PPP1R9B: variants seen among roughly 807,000 people sequenced by gnomAD.
PPP1R9B encodes neurabin-2.
Under a neutral mutation model 75.8 loss-of-function variants are expected in PPP1R9B, and 17 were observed. That is an observed-to-expected ratio of 0.22 (90% CI 0.15 to 0.34). The LOEUF (loss-of-function observed/expected upper bound fraction) is 0.34, where lower values mean the gene tolerates loss of function less well. Among genes scored for constraint, PPP1R9B ranks in the 10% least tolerant of loss-of-function variants. The pLI is 1.00. For missense variants in PPP1R9B, 875 were observed against 1,196.0 expected (o/e 0.73, Z 3.96); for synonymous variants, 509 against 535.4 (o/e 0.95, Z 0.68).
chr17:50,150,085 C>A lies in PPP1R9B; in HGVS notation c.429G>T (p.Arg143=), dbSNP rs1387836675. Reference sequence around the variant, plus strand: ...CGAACAGCTTCCGCGTCTCCTGCAGCCGGGACGGCGGGTGCGGCGGCGGCG... The same window carrying A: ...CGAACAGCTTCCGCGTCTCCTGCAGACGGGACGGCGGGTGCGGCGGCGGCG... The part of the protein sequence containing the change: ...QPAPPPHPPS[R]LQETRKLFER... Residue 143 remains arginine (R), a synonymous_variant, in exon 1 of 10, where the codon CGG becomes CGT. Transcript: ENST00000612501. The surrounding 1 kb of genome is among the most constrained non-coding windows in gnomAD (Gnocchi z 8.7). The A allele has an allele frequency of 5.0e-6, 7 of 1,413,938 alleles. No individual in the cohort carries two copies. Among genetic ancestry groups the A allele is most frequent in the Non-Finnish European group, 6.4e-6 (7 of 1,089,988 alleles). 87.6% of individuals were successfully genotyped at this position (1,413,938 alleles called of 1,614,324 possible). A position where few individuals can be genotyped will look rare whatever the true frequency, so the allele number is the denominator to read the frequency against.
intron 9 of PPP1R9B, 39 bp from the exon 10 acceptor site, chr17:50,135,423 C>T (rs1022272637): frequency 1.2e-6 from 2 of 1,606,038 alleles, no homozygotes; most frequent in African/African-American, 1.3e-5. Flanking sequence ...GGTCTGGACA[C>T]CAGGCATGAT....
intron 1 of PPP1R9B, among the ~76,000 whole-genome samples, chr17:50,145,737 G>T (rs145316822): frequency 9.2e-5 from 14 of 151,982 alleles, no homozygotes; most frequent in South Asian, 2.1e-4. Context: ...GGGGAGAGAG[G>T]GGGGAGCGGG....
At position 50,141,401 on chromosome 17, in the gene PPP1R9B, C is replaced by A; in HGVS notation, c.1626-28G>T. Reference sequence around the variant, plus strand: ...AGCGGAGTGACATTGGTTAAGGGGTCACAGGGGAACCGAGGAGCGAGGGTA... The same window carrying A: ...AGCGGAGTGACATTGGTTAAGGGGTAACAGGGGAACCGAGGAGCGAGGGTA... On this transcript the variant is annotated intron_variant, in intron 3 of 9. Transcript: ENST00000612501. The A allele has an allele frequency of 2.0e-6, 3 of 1,495,800 alleles. No homozygotes were observed. In the South Asian group the frequency reaches 3.6e-5, roughly 18 times the overall value. The allele number at this position is 1,495,800 out of a possible 1,614,324, so 92.7% of individuals were successfully genotyped here.
Position 50,149,125 on chromosome 17 carries a change from G to A in PPP1R9B, c.1371+18C>T. The A allele has an allele frequency of 7.0e-7, 1 of 1,420,370 alleles. No homozygotes were observed. 88.0% of individuals were successfully genotyped at this position (1,420,370 alleles called of 1,614,324 possible). On this transcript the variant is annotated intron_variant, in intron 1 of 9. Transcript: ENST00000612501. This position sits in a 1 kb window ranked among gnomAD's most constrained non-coding sequence, Gnocchi z 7.2. ...GTGGCAGGGGCGGCGCGGGGGCAGG[G>A]CGGGGGGGCTCACTTACTTGGATGG...
At chr17:50,136,224 T>A (rs765620978) in intron 7 of PPP1R9B, 27 bp from the exon 8 acceptor site, 26 of 1,587,556 alleles carry the variant, frequency 1.6e-5, no homozygotes, top group Non-Finnish European at 2.0e-5. Flanking sequence ...CGGCCCTGGG[T>A]TGGTGGGGGC....
chr17:50,134,026 A>G lies in PPP1R9B; in HGVS notation c.*1305T>C, dbSNP rs989408456. 2 of 152,632 alleles carry G rather than the reference A, an allele frequency of 1.3e-5. No homozygotes were observed. The highest frequency in any genetic ancestry group is 4.8e-5 in the African/African-American group (2 of 41,444). 9.5% of individuals were successfully genotyped at this position (152,632 alleles called of 1,614,324 possible). On this transcript the variant is annotated 3_prime_UTR_variant, in exon 10 of 10. Transcript: ENST00000612501. ...GGGACAAGAAATACTGATCGAAGTC[A>G]TGGTCTATTTACAGGGGACAAGAAG...
chr17:50,148,026 G>A lies in PPP1R9B; in HGVS notation c.1371+1117C>T, dbSNP rs1002914233. 9.8e-5 allele frequency among the ~76,000 whole-genome samples: 15 copies of A among 152,302 alleles called. No homozygotes were observed. In the East Asian group the frequency reaches 1.4e-3, roughly 14 times the overall value. On this transcript the variant is annotated intron_variant, in intron 1 of 9. Coordinates refer to ENST00000612501, the MANE Select transcript of PPP1R9B (RefSeq NM_032595.5). ...AGGGACCTGGACACTTCCATGGGGCGGACCTGGGGCCGGGTGCAGCTGAGC... is the reference window on the plus strand; with the variant it reads ...AGGGACCTGGACACTTCCATGGGGCAGACCTGGGGCCGGGTGCAGCTGAGC...
intron 7 of PPP1R9B, 117 bp from the exon 8 acceptor site, chr17:50,136,314 G>T: frequency 1.3e-6 from 1 of 773,668 alleles, no homozygotes; most frequent in Non-Finnish European, 2.0e-6. Flanking sequence ...GGAGTCCATT[G>T]CACCCCAACT....
At chr17:50,138,007 C>G (rs982948755) in intron 7 of PPP1R9B, among the ~76,000 whole-genome samples, 1 of 152,214 alleles carries the variant, frequency 6.6e-6, no homozygotes, top group Admixed American at 6.5e-5. Flanking sequence ...CTCCCCACCA[C>G]GGCAGAAGCC....
At chr17:50,135,773 C>T in intron 8 of PPP1R9B, 124 bp from the exon 9 acceptor site, 3 of 944,250 alleles carry the variant, frequency 3.2e-6, no homozygotes, top group African/African-American at 1.7e-5. Context: ...TCAGGAGGCC[C>T]CAGGTTTTCC....
rs1225997433 is a variant in PPP1R9B at position 50,142,920 on chromosome 17, G to T, written c.1625+678C>A. ...CAGCCTCCTGGCCCCTGCTCTCTAT[G>T]CCCCAGCCACACCTGCCTGCTCATG... is the stretch of plus-strand genomic sequence containing the variant. On this transcript the variant is annotated intron_variant, in intron 3 of 9. Coordinates refer to ENST00000612501, the MANE Select transcript of PPP1R9B (RefSeq NM_032595.5). This position sits in a 1 kb window ranked among gnomAD's most constrained non-coding sequence, Gnocchi z 4.1. Among the ~76,000 whole-genome samples the T allele has an allele frequency of 1.3e-5, 2 of 152,054 alleles. No homozygotes were observed. Among genetic ancestry groups the T allele is most frequent in the Admixed American group, 6.5e-5 (1 of 15,272 alleles).
In PPP1R9B at chr17:50,135,540, G is replaced by A. The variant is rs369057402; in HGVS notation, c.2400+13C>T. ...CTCCACTGGGCCCTGCCCACAGGGCGCCCCAGGCCCACCTTGTCCAGGAGC... is the reference window on the plus strand; with the variant it reads ...CTCCACTGGGCCCTGCCCACAGGGCACCCCAGGCCCACCTTGTCCAGGAGC... On this transcript the variant is annotated intron_variant, in intron 9 of 9. Transcript: ENST00000612501. 128 of 1,607,724 alleles carry A rather than the reference G, an allele frequency of 8.0e-5. No homozygotes were observed. The highest frequency in any genetic ancestry group is 6.6e-4 in the Middle Eastern group (4 of 6,036).
chr17:50,140,769 AG>A (rs1251033024), intron 4 of PPP1R9B, among the ~76,000 whole-genome samples: 3 of 152,220 alleles, frequency 2.0e-5, no homozygotes, highest in African/African-American at 7.2e-5. Flanking sequence ...CCCCTCTTGC[AG>A]GGGGGCAGGG....
chr17:50,135,938 G>GGC, intron 8 of PPP1R9B, 30 bp downstream of exon 8: 13 of 1,419,216 alleles, frequency 9.2e-6, no homozygotes, highest in Non-Finnish European at 1.2e-5. Context: ...TGCTCCCTGG[G>GGC]CCCAGCCCGC....
intron 1 of PPP1R9B, among the ~76,000 whole-genome samples, chr17:50,147,716 C>G (rs1912550876): frequency 6.6e-6 from 1 of 152,078 alleles, no homozygotes; most frequent in Non-Finnish European, 1.5e-5. Flanking sequence ...GTCCCCCATT[C>G]CCTTCAGAAC....
Position 50,135,643 on chromosome 17 carries a change from G to C in PPP1R9B, c.2310C>G (p.Ile770Met), listed in dbSNP as rs766313953. 6.2e-7 allele frequency: 1 copy of C among 1,605,304 alleles called. No individual in the cohort carries two copies. Among genetic ancestry groups the C allele is most frequent in the Non-Finnish European group, 8.5e-7 (1 of 1,175,770 alleles). Residue 770 changes from isoleucine (I) to methionine (M), a missense_variant, in exon 9 of 10, where the codon ATC becomes ATG. Physicochemically the swap from Ile to Met is conservative, Grantham distance 10. Transcript: ENST00000612501. ...GTGCAGTCTCCTTTTTCAGGAACTC[G>C]ATCTCCCTGGGCACAGGCAAGGGAC... Reference protein sequence around the residue: ...RLIKDYQQKEIEFLKKETAQR... With the variant: ...RLIKDYQQKEMEFLKKETAQR...
At position 50,149,115 on chromosome 17, in the gene PPP1R9B, CG is replaced by C. The variant is rs1161750184; in HGVS notation, c.1371+27del. The stretch of plus-strand genomic sequence containing the variant: ...CCGCGTGCACGTGGCAGGGGCGGCG[CG>C]GGGGCAGGGCGGGGGGGCTCACTTA... On this transcript the variant is annotated intron_variant, in intron 1 of 9. Transcript: ENST00000612501. The surrounding 1 kb of genome is among the most constrained non-coding windows in gnomAD (Gnocchi z 7.2). 8.7e-7 allele frequency: 1 copy of C among 1,146,744 alleles called. No individual in the cohort carries two copies. The highest frequency in any genetic ancestry group is 1.1e-6 in the Non-Finnish European group (1 of 903,166). 71.0% of individuals were successfully genotyped at this position (1,146,744 alleles called of 1,614,324 possible).
In PPP1R9B at chr17:50,149,315, C is replaced by T. The variant is rs1912610888; in HGVS notation, c.1199G>A (p.Gly400Glu). 6.2e-7 allele frequency: 1 copy of T among 1,613,334 alleles called. No homozygotes were observed. Among genetic ancestry groups the T allele is most frequent in the Admixed American group, 1.7e-5 (1 of 59,992 alleles). ...ADLVDVSAYS[G>E]LGEDSAGSAL... ...ACTGCCCGCAGAGTCCTCCCCGAGC[C>T]CACTGTAGGCGCTCACGTCCACCAA... Residue 400 changes from glycine to glutamate, a missense_variant, in exon 1 of 10, where the codon GGG becomes GAG. Coordinates refer to ENST00000612501, the MANE Select transcript of PPP1R9B (RefSeq NM_032595.5). This position sits in a 1 kb window ranked among gnomAD's most constrained non-coding sequence, Gnocchi z 7.2.
rs1912318699 is a variant in PPP1R9B at position 50,139,660 on chromosome 17, G to A, written c.1867-79C>T. On this transcript the variant is annotated intron_variant, in intron 5 of 9. Coordinates refer to ENST00000612501, the MANE Select transcript of PPP1R9B (RefSeq NM_032595.5). This position sits in a 1 kb window ranked among gnomAD's most constrained non-coding sequence, Gnocchi z 5.0. ...CTGATGACCAGGGCTGGGACCAGTT[G>A]CCCATGCCAGACAGAGAGCTACCCA... 2.1e-6 allele frequency: 3 copies of A among 1,462,826 alleles called. No homozygotes were observed. The Admixed American group carries it at 7.0e-5, about 34-fold the overall frequency. 90.6% of individuals were successfully genotyped at this position (1,462,826 alleles called of 1,614,324 possible). A position where few individuals can be genotyped will look rare whatever the true frequency, so the allele number is the denominator to read the frequency against.
Sources: allele counts gnomAD v4.1 joint callset (sites outside exome capture counted in the v4.1 genomes callset), GRCh38; gene constraint gnomAD v4.1.1; non-coding constraint Gnocchi (gnomAD v3.1); transcripts MANE v1.5; gene names NCBI Gene and HGNC (gene_info 2026-07-23, HGNC 2026-07-21).